The following PLEKHA8 variants were observed in gnomAD, a reference collection of about 807,000 sequenced individuals.
PLEKHA8 encodes the protein pleckstrin homology domain containing A8.
Under a neutral mutation model 68.2 loss-of-function variants are expected in PLEKHA8, and 36 were observed. The observed-to-expected ratio is 0.53, with a 90% CI of 0.40 to 0.70. PLEKHA8 has a LOEUF of 0.70. PLEKHA8 is among the 30% of genes least tolerant of loss of function. The pLI, the probability that PLEKHA8 is intolerant of heterozygous loss-of-function variation, is 0.00. For synonymous variants in PLEKHA8, 211 were observed against 216.1 expected (o/e 0.98, Z 0.20); for missense variants, 505 against 615.4 (o/e 0.82, Z 1.90).
chr7:30,087,442 C>T (rs999936158), downstream of PLEKHA8, among the ~76,000 whole-genome samples: 9 of 152,196 alleles, frequency 5.9e-5, no homozygotes, highest in African/African-American at 2.2e-4. Context: ...CCTTAGAGAC[C>T]CTACCTTCAC....
chr7:30,074,969 T>A (rs1008223859), intron 13 of PLEKHA8: 1 of 152,142 alleles, frequency 6.6e-6, no homozygotes, highest in African/African-American at 2.4e-5. Flanking sequence ...ATTCTTCCCA[T>A]CCAGGAAAAG....
intron 12 of PLEKHA8, among the ~76,000 whole-genome samples, chr7:30,068,836 G>A (rs556684196): frequency 1.4e-3 from 213 of 152,136 alleles, no homozygotes; most frequent in African/African-American, 4.9e-3. Flanking sequence ...TTTTCTTCTC[G>A]AAGTTTTGTA....
intron 12 of PLEKHA8, among the ~76,000 whole-genome samples, chr7:30,072,845 G>A (rs1317068837): frequency 6.6e-6 from 1 of 152,216 alleles, no homozygotes; most frequent in African/African-American, 2.4e-5. Context: ...ACACTGTGCT[G>A]TTAATTTAGA....
intron 8 of PLEKHA8, 44 bp from the exon 9 acceptor site, chr7:30,055,213 C>T (rs1386059339): frequency 6.5e-7 from 1 of 1,536,438 alleles, no homozygotes; most frequent in Admixed American, 1.7e-5. Flanking sequence ...AGTGCTGATA[C>T]TGTATTTTCA....
chr7:30,109,900 C>T (rs1250844387), intron 13 of PLEKHA8, among the ~76,000 whole-genome samples: 2 of 152,006 alleles, frequency 1.3e-5, no homozygotes, highest in African/African-American at 4.8e-5. Flanking sequence ...CTCCTGGGCT[C>T]AAGCAATTAT....
intron 13 of PLEKHA8, among the ~76,000 whole-genome samples, chr7:30,110,472 T>G (rs1000746093): frequency 2.0e-5 from 3 of 152,262 alleles, no homozygotes; most frequent in African/African-American, 4.8e-5. Flanking sequence ...ATAATGTTGC[T>G]AGAATATTTG....
intron 13 of PLEKHA8, among the ~76,000 whole-genome samples, chr7:30,111,811 C>T (rs1342470445): frequency 6.6e-6 from 1 of 152,056 alleles, no homozygotes; most frequent in Non-Finnish European, 1.5e-5. Flanking sequence ...ATACATTTCT[C>T]CGAAATACCC....
intron 8 of PLEKHA8, 107 bp from the exon 9 acceptor site, chr7:30,055,150 C>A: frequency 2.0e-6 from 2 of 991,220 alleles, no homozygotes; most frequent in Non-Finnish European, 3.2e-6. Context: ...TCAAGTCAAA[C>A]GATTTGCCCT....
downstream of PLEKHA8, among the ~76,000 whole-genome samples, chr7:30,091,372 C>T (rs140673961): frequency 1.3e-5 from 2 of 151,484 alleles, no homozygotes; most frequent in East Asian, 3.9e-4. Context: ...GGTTAAAAAT[C>T]ATTGTAGAGT....
intron 13 of PLEKHA8, among the ~76,000 whole-genome samples, chr7:30,112,673 C>G: frequency 6.6e-6 from 1 of 151,706 alleles, no homozygotes; most frequent in East Asian, 1.9e-4. Flanking sequence ...GATGATTGTG[C>G]CACTGCACTC....
intron 13 of PLEKHA8, among the ~76,000 whole-genome samples, chr7:30,077,221 T>G (rs1349704171): frequency 6.6e-6 from 1 of 152,218 alleles, no homozygotes; most frequent in Admixed American, 6.5e-5. Flanking sequence ...AATCTGTTCC[T>G]TGTCCCTTTC....
At chr7:30,028,934 T>C in intron 1 of PLEKHA8, 132 bp downstream of exon 1, 1 of 1,046,738 alleles carries the variant, frequency 9.6e-7, no homozygotes, top group Non-Finnish European at 1.2e-6. Flanking sequence ...AGCGGGAGTA[T>C]TTCCCAAAGC....
chr7:30,083,935 T>TTTATAGG lies in PLEKHA8; in HGVS notation c.*5149_*5150insTATAGGT, dbSNP rs1795069366. The TTTATAGG allele has an allele frequency of 1.0e-6, 1 of 985,356 alleles. No individual in the cohort carries two copies. Among genetic ancestry groups the TTTATAGG allele is most frequent in the Non-Finnish European group, 1.2e-6 (1 of 829,910 alleles). The allele number at this position is 985,356 out of a possible 1,614,324, so 61.0% of individuals were successfully genotyped here. On this transcript the variant is annotated 3_prime_UTR_variant, in exon 14 of 14. Coordinates refer to ENST00000449726, the MANE Select transcript of PLEKHA8 (RefSeq NM_001197026.2). Reference sequence around the variant, plus strand: ...TTTATAGGTGTATATGGAGTCAGTGTTGATAGGAAGGATGCTCTAGAAGTA... The same window carrying TTTATAGG: ...TTTATAGGTGTATATGGAGTCAGTGTTTATAGGTGATAGGAAGGATGCTCTAGAAGTA...
rs1020197933 is a variant in PLEKHA8, at chr7:30,080,718, G to T, written c.*1931G>T. On this transcript the variant is annotated 3_prime_UTR_variant, in exon 14 of 14. Transcript: ENST00000449726. ...ATTATTTTGTATTTTGCCAAGGTGTGTGTGTGTTATTTCCCTCCCACTCTC... is the reference window on the plus strand; with the variant it reads ...ATTATTTTGTATTTTGCCAAGGTGTTTGTGTGTTATTTCCCTCCCACTCTC... The T allele has an allele frequency of 1.0e-6, 1 of 985,226 alleles. No homozygotes were observed. The highest frequency in any genetic ancestry group is 1.2e-6 in the Non-Finnish European group (1 of 829,910). The allele number at this position is 985,226 out of a possible 1,614,324, so 61.0% of individuals were successfully genotyped here. A position where few individuals can be genotyped will look rare whatever the true frequency, so the allele number is the denominator to read the frequency against.
At position 30,082,011 on chromosome 7, in the gene PLEKHA8, G is replaced by A; in HGVS notation, c.*3224G>A. On this transcript the variant is annotated 3_prime_UTR_variant, in exon 14 of 14. Coordinates refer to ENST00000449726, the MANE Select transcript of PLEKHA8 (RefSeq NM_001197026.2). The stretch of plus-strand genomic sequence containing the variant: ...GGGAGTGAAACCAAATTGTAACTAT[G>A]AGGAGAAGATGGTCTTCTCATTGGC... The A allele has an allele frequency of 1.1e-6, 1 of 921,922 alleles. No homozygotes were observed. Among genetic ancestry groups the A allele is most frequent in the South Asian group, 5.0e-5 (1 of 19,984 alleles). 57.1% of individuals were successfully genotyped at this position (921,922 alleles called of 1,614,324 possible).
At position 30,079,415 on chromosome 7, in the gene PLEKHA8, C is replaced by T; in HGVS notation, c.*628C>T. The T allele has an allele frequency of 2.0e-6, 2 of 985,710 alleles. No individual in the cohort carries two copies. Among genetic ancestry groups the T allele is most frequent in the Non-Finnish European group, 2.4e-6 (2 of 830,218 alleles). 61.1% of individuals were successfully genotyped at this position (985,710 alleles called of 1,614,324 possible). ...TGCTGACAGGCATGAAACCGTTGCTCTGAGAAGATTAATGGTGTGCCCTAG... is the reference window on the plus strand; with the variant it reads ...TGCTGACAGGCATGAAACCGTTGCTTTGAGAAGATTAATGGTGTGCCCTAG... On this transcript the variant is annotated 3_prime_UTR_variant, in exon 14 of 14. Coordinates refer to ENST00000449726, the MANE Select transcript of PLEKHA8 (RefSeq NM_001197026.2).
rs145328311 is a variant in PLEKHA8, at chr7:30,084,396, T to C, written c.*5609T>C. 2 of 985,416 alleles carry C rather than the reference T, an allele frequency of 2.0e-6. No individual in the cohort carries two copies. The highest frequency in any genetic ancestry group is 6.1e-5 in the Admixed American group (1 of 16,278). The allele number at this position is 985,416 out of a possible 1,614,324, so 61.0% of individuals were successfully genotyped here. Reference sequence around the variant, plus strand: ...TCAGAGTAGAAGGCAAGTTAAACTATAAAAGTGTCAAGTGGCTTGTTAACT... The same window carrying C: ...TCAGAGTAGAAGGCAAGTTAAACTACAAAAGTGTCAAGTGGCTTGTTAACT... On this transcript the variant is annotated 3_prime_UTR_variant, in exon 14 of 14. Transcript: ENST00000449726.
chr7:30,106,178 C>G (rs1202031512), intron 13 of PLEKHA8, among the ~76,000 whole-genome samples: 3 of 152,098 alleles, frequency 2.0e-5, no homozygotes, highest in African/African-American at 2.4e-5. Flanking sequence ...CCTGCCTCAG[C>G]CTTCCCAGTA....
chr7:30,059,211 A>G (rs373850650), intron 9 of PLEKHA8, among the ~76,000 whole-genome samples: 2 of 152,200 alleles, frequency 1.3e-5, no homozygotes, highest in Non-Finnish European at 2.9e-5. Flanking sequence ...TGTTCTATCT[A>G]GTTTTTAGTG....
Sources: gnomAD v4.1 joint callset for allele counts (sites outside exome capture counted in the v4.1 genomes callset) on GRCh38, gnomAD v4.1.1 for gene constraint, MANE v1.5 for transcripts, NCBI Gene and HGNC (gene_info 2026-07-23, HGNC 2026-07-21) for gene names.